JAK2: variants seen among roughly 807,000 people sequenced by gnomAD.
JAK2 encodes tyrosine-protein kinase JAK2.
In JAK2, 86 loss-of-function variants were observed where a neutral mutation model predicts 139.3. The ratio of observed to expected loss-of-function variants is 0.62; its 90% CI spans 0.52 to 0.74. The LOEUF (loss-of-function observed/expected upper bound fraction) is 0.74, where lower values mean the gene tolerates loss of function less well. Among genes scored for constraint, JAK2 ranks in the 30% least tolerant of loss-of-function variants. JAK2 has a pLI of 0.00. For synonymous variants in JAK2, 490 were observed against 437.7 expected, an observed-to-expected ratio of 1.12 and a Z score of -1.49; for missense variants, 1,421 against 1,360.3, an observed-to-expected ratio of 1.04 and a Z score of -0.70.
intron 8 of JAK2, among the ~76,000 whole-genome samples, chr9:5,058,673 A>G (rs996156252): frequency 6.6e-6 from 1 of 152,172 alleles, no homozygotes; most frequent in African/African-American, 2.4e-5. Flanking sequence ...TCCTACCAGG[A>G]GTACATTCTC....
intron 5 of JAK2, among the ~76,000 whole-genome samples, chr9:5,047,518 T>G (rs1472908495): frequency 1.3e-5 from 2 of 152,270 alleles, no homozygotes; most frequent in African/African-American, 2.4e-5. Context: ...AACAATTGGA[T>G]GTTTACCTCA....
intron 22 of JAK2, among the ~76,000 whole-genome samples, chr9:5,106,648 C>A (rs10974964): frequency 6.6e-6 from 1 of 152,092 alleles, no homozygotes; most frequent in Non-Finnish European, 1.5e-5. Context: ...TTGGAACCAA[C>A]CCAAATGCCC....
intron 24 of JAK2, 87 bp from the exon 25 acceptor site, chr9:5,126,597 T>C (rs1824015639): frequency 1.0e-6 from 1 of 983,146 alleles, no homozygotes. Context: ...TTATGACATG[T>C]GCCCTGTATT....
chr9:5,080,354 C>G lies in JAK2; in HGVS notation c.2257C>G (p.Pro753Ala). 6.2e-7 allele frequency: 1 copy of G among 1,613,310 alleles called. No individual in the cohort carries two copies. ...GGAAATCTGCAGTGGAGGAGATAAACCTCTAAGTGCTCTGGATTCTCAAAG... is the reference window on the plus strand; with the variant it reads ...GGAAATCTGCAGTGGAGGAGATAAAGCTCTAAGTGCTCTGGATTCTCAAAG... ...LWEICSGGDKPLSALDSQRKL... is the reference protein window; with the variant it reads ...LWEICSGGDKALSALDSQRKL... The change falls in exon 17 of 25, where the codon CCT (proline) becomes GCT (alanine). Residue 753 changes from proline (P) to alanine (A), a missense_variant. Pro to Ala is a conservative substitution (Grantham distance 27). Coordinates refer to ENST00000381652, the MANE Select transcript of JAK2 (RefSeq NM_004972.4).
At chr9:5,034,931 A>C (rs1021768065) in intron 4 of JAK2, among the ~76,000 whole-genome samples, 1 of 152,228 alleles carries the variant, frequency 6.6e-6, no homozygotes, top group African/African-American at 2.4e-5. Context: ...CCCTTCAAAA[A>C]AATCAATGAA....
At chr9:5,027,899 A>C (rs941494962) in intron 3 of JAK2, among the ~76,000 whole-genome samples, 14 of 152,162 alleles carry the variant, frequency 9.2e-5, no homozygotes, top group African/African-American at 3.4e-4. Flanking sequence ...TGTTACTTCT[A>C]CCACATCTGC....
At chr9:5,056,861 G>C (rs914790796) in intron 8 of JAK2, among the ~76,000 whole-genome samples, 7 of 152,158 alleles carry the variant, frequency 4.6e-5, no homozygotes, top group Admixed American at 2.0e-4. Context: ...CTGCAATACA[G>C]AGAAGTTAAG....
rs73393466 is a variant in JAK2, at chr9:5,050,586, A to C, written c.469-100A>C. The C allele has an allele frequency of 1.2e-3, 1,528 of 1,241,696 alleles. 25 individuals are homozygous for C. In the African/African-American group the frequency reaches 0.022, roughly 18 times the overall value. 76.9% of individuals were successfully genotyped at this position (1,241,696 alleles called of 1,614,324 possible). A position where few individuals can be genotyped will look rare whatever the true frequency, so the allele number is the denominator to read the frequency against. Reference sequence around the variant, plus strand: ...GAGCCTGGCCAATTTGTATCTTGTAAATGCATATGTTCTGAAAATTATGAT... The same window carrying C: ...GAGCCTGGCCAATTTGTATCTTGTACATGCATATGTTCTGAAAATTATGAT... On this transcript the variant is annotated intron_variant, in intron 5 of 24. Coordinates refer to ENST00000381652, the MANE Select transcript of JAK2 (RefSeq NM_004972.4).
Position 5,068,755 on chromosome 9 carries a change from T to G in JAK2, c.1327-267T>G, listed in dbSNP as rs3780367. On this transcript the variant is annotated intron_variant, in intron 10 of 24. Coordinates refer to ENST00000381652, the MANE Select transcript of JAK2 (RefSeq NM_004972.4). ...TATCTTATAAATGATGGAAAACTAT[T>G]AAGGATGGTATTGTTGCTATTAATT... Among the ~76,000 whole-genome samples, 37,957 of 152,128 alleles carry G rather than the reference T, an allele frequency of 0.25. 4,939 individuals are homozygous for G. The highest frequency in any genetic ancestry group is 0.3 in the South Asian group (1,466 of 4,824).
intron 19 of JAK2, among the ~76,000 whole-genome samples, chr9:5,082,488 G>A (rs960263603): frequency 1.3e-5 from 2 of 152,248 alleles, no homozygotes; most frequent in African/African-American, 2.4e-5. Flanking sequence ...ATGAACAAAT[G>A]TATAATTGGG....
In JAK2 at chr9:5,065,000, G is replaced by C. The variant is rs200018153; in HGVS notation, c.1174G>C (p.Val392Leu). Residue 392 changes from valine to leucine, a missense_variant, in exon 9 of 25, where the codon GTG becomes CTG. Coordinates refer to ENST00000381652, the MANE Select transcript of JAK2 (RefSeq NM_004972.4). ...YLCKEVAPPA[V>L]LENIQSNCHG... Reference sequence around the variant, plus strand: ...CTGTAAAGAAGTAGCACCTCCAGCCGTGCTTGAAAATATACAAAGCAACTG... The same window carrying C: ...CTGTAAAGAAGTAGCACCTCCAGCCCTGCTTGAAAATATACAAAGCAACTG... 1.2e-6 allele frequency: 2 copies of C among 1,607,174 alleles called. No individual in the cohort carries two copies. Among genetic ancestry groups the C allele is most frequent in the Non-Finnish European group, 8.5e-7 (1 of 1,176,676 alleles).
chr9:5,070,340 C>A (rs538582111), intron 12 of JAK2, among the ~76,000 whole-genome samples: 5 of 152,024 alleles, frequency 3.3e-5, no homozygotes, highest in South Asian at 4.1e-4. Flanking sequence ...TATATCGCAA[C>A]TCCCAAGTTC....
intron 2 of JAK2, among the ~76,000 whole-genome samples, chr9:5,017,623 A>G (rs1026089522): frequency 1.3e-5 from 2 of 152,200 alleles, no homozygotes; most frequent in African/African-American, 2.4e-5. Context: ...TTATTGCTAT[A>G]AACTTCCCTC....
At chr9:5,047,895 C>A (rs1458015581) in intron 5 of JAK2, among the ~76,000 whole-genome samples, 1 of 152,092 alleles carries the variant, frequency 6.6e-6, no homozygotes, top group Admixed American at 6.6e-5. Flanking sequence ...GCCACCACAC[C>A]TGGCCTGAAA....
At chr9:5,042,860 C>T (rs1816703966) in intron 4 of JAK2, among the ~76,000 whole-genome samples, 1 of 152,222 alleles carries the variant, frequency 6.6e-6, no homozygotes, top group Non-Finnish European at 1.5e-5. Flanking sequence ...AAAGCTCGGT[C>T]GCCACAGGCA....
At chr9:5,019,213 T>C (rs920949139) in intron 2 of JAK2, among the ~76,000 whole-genome samples, 1 of 152,212 alleles carries the variant, frequency 6.6e-6, no homozygotes, top group Admixed American at 6.5e-5. Flanking sequence ...TGCTTTATGG[T>C]ATCCCATATG....
rs200014323 is a variant in JAK2, at chr9:5,072,500, C to T, written c.1650C>T (p.Ser550=). The T allele has an allele frequency of 2.5e-6, 4 of 1,576,306 alleles. No individual in the cohort carries two copies. In the East Asian group the frequency reaches 9.1e-5, roughly 36 times the overall value. ...ACCTTTTTCTCTTGAAGAATGAAAG[C>T]CTTGGCCAAGGCACTTTTACAAAGA... is the stretch of plus-strand genomic sequence containing the variant. ...IRNEDLIFNE[S]LGQGTFTKIF... The change falls in exon 13 of 25, where the codon AGC becomes AGT. Residue 550 remains serine, a synonymous_variant. Coordinates refer to ENST00000381652, the MANE Select transcript of JAK2 (RefSeq NM_004972.4).
At position 5,050,044 on chromosome 9, in the gene JAK2, A is replaced by G. The variant is rs530762146; in HGVS notation, c.469-642A>G. Among the ~76,000 whole-genome samples the G allele has an allele frequency of 1.2e-4, 19 of 152,312 alleles. 1 individual carries two copies. The highest frequency in any genetic ancestry group is 4.3e-4 in the African/African-American group (18 of 41,576). ...ACATGGCTATTTCTTTGTATCCAACACCACTTGTAGTATGATACTTCCAAC... is the reference window on the plus strand; with the variant it reads ...ACATGGCTATTTCTTTGTATCCAACGCCACTTGTAGTATGATACTTCCAAC... On this transcript the variant is annotated intron_variant, in intron 5 of 24. Coordinates refer to ENST00000381652, the MANE Select transcript of JAK2 (RefSeq NM_004972.4).
chr9:5,035,857 C>A (rs112569420), intron 4 of JAK2, among the ~76,000 whole-genome samples: 1 of 152,180 alleles, frequency 6.6e-6, no homozygotes, highest in Non-Finnish European at 1.5e-5. Context: ...TCCTATTCAA[C>A]ATAGTGTTGG....
Sources: gnomAD v4.1 joint callset for allele counts (sites outside exome capture counted in the v4.1 genomes callset) on GRCh38, gnomAD v4.1.1 for gene constraint, MANE v1.5 for transcripts, NCBI Gene and HGNC (gene_info 2026-07-23, HGNC 2026-07-21) for gene names.